ZNF618: variants seen among roughly 807,000 people sequenced by gnomAD.
The protein encoded by ZNF618 is neural precursor cell expressed, developmentally down-regulated 10.
In ZNF618, 34 loss-of-function variants were observed where a neutral mutation model predicts 103.0. The ratio of observed to expected loss-of-function variants is 0.33; its 90% CI spans 0.25 to 0.44. The LOEUF (loss-of-function observed/expected upper bound fraction) is 0.44, where lower values mean the gene tolerates loss of function less well. ZNF618 is among the 20% of genes least tolerant of loss of function. The pLI, the probability that ZNF618 is intolerant of heterozygous loss-of-function variation, is 1.00. For synonymous variants in ZNF618, 551 were observed against 542.2 expected (o/e 1.02, Z -0.23); for missense variants, 1,059 against 1,295.4 (o/e 0.82, Z 2.80).
chr9:113,933,120 G>A (rs1833744621), intron 1 of ZNF618, among the ~76,000 whole-genome samples: 1 of 152,168 alleles, frequency 6.6e-6, no homozygotes, highest in Non-Finnish European at 1.5e-5. Flanking sequence ...ACTGGGTTTG[G>A]CAGCACTGGG....
chr9:113,908,340 C>T (rs1322116093), intron 1 of ZNF618, among the ~76,000 whole-genome samples: 2 of 152,078 alleles, frequency 1.3e-5, no homozygotes, highest in Non-Finnish European at 2.9e-5. Flanking sequence ...TAGATAAAAG[C>T]AGTTTAAAAA....
At chr9:113,992,453 T>C (rs940982483) in intron 3 of ZNF618, among the ~76,000 whole-genome samples, 5 of 152,034 alleles carry the variant, frequency 3.3e-5, no homozygotes, top group African/African-American at 1.2e-4. Flanking sequence ...GGGGTGCTGG[T>C]TAGAGCTTGC....
intron 1 of ZNF618, among the ~76,000 whole-genome samples, chr9:113,957,650 G>C (rs1836435597): frequency 6.6e-6 from 1 of 152,188 alleles, no homozygotes; most frequent in African/African-American, 2.4e-5. Flanking sequence ...TTCACTAGAA[G>C]AGATTTGAGG....
At chr9:113,946,199 G>T (rs1261374506) in intron 1 of ZNF618, among the ~76,000 whole-genome samples, 1 of 152,190 alleles carries the variant, frequency 6.6e-6, no homozygotes, top group African/African-American at 2.4e-5. Flanking sequence ...CAAGGCCACA[G>T]GCTTAGCCCC....
chr9:113,954,412 A>G (rs1836055812), intron 1 of ZNF618, among the ~76,000 whole-genome samples: 1 of 152,180 alleles, frequency 6.6e-6, no homozygotes, highest in Non-Finnish European at 1.5e-5. Context: ...CTAGAAGGAT[A>G]CCCAAGCAAC....
chr9:113,973,028 G>T (rs1016206263), intron 2 of ZNF618, among the ~76,000 whole-genome samples: 2 of 152,138 alleles, frequency 1.3e-5, no homozygotes, highest in African/African-American at 4.8e-5. Context: ...AGTGAGCCAA[G>T]ATCATGCCAC....
At chr9:113,897,781 G>A (rs1217115633) in intron 1 of ZNF618, among the ~76,000 whole-genome samples, 5 of 151,854 alleles carry the variant, frequency 3.3e-5, no homozygotes, top group African/African-American at 1.2e-4. Flanking sequence ...ACTGGATTTC[G>A]TTTTTTGTTT....
At chr9:113,979,137 A>G (rs910424093) in intron 2 of ZNF618, among the ~76,000 whole-genome samples, 1 of 152,144 alleles carries the variant, frequency 6.6e-6, no homozygotes. Context: ...ACCATATGGA[A>G]TTAATTAGAG....
At chr9:113,935,729 A>G (rs1833971384) in intron 1 of ZNF618, among the ~76,000 whole-genome samples, 3 of 152,094 alleles carry the variant, frequency 2.0e-5, no homozygotes, top group Non-Finnish European at 4.4e-5. Flanking sequence ...TCTGGACTGC[A>G]AACTCTTTGA....
At position 113,876,429 on chromosome 9, in the gene ZNF618, G is replaced by A. The variant is rs1031738266; in HGVS notation, c.33+16G>A. On this transcript the variant is annotated intron_variant, in intron 1 of 14. Coordinates refer to ENST00000374126, the MANE Select transcript of ZNF618 (RefSeq NM_001318042.2). ...GGCTCCGCAGGTACGACGGGGGGCC[G>A]GGGGCATGCACCGCGCGGGGGACCC... 1.8e-5 allele frequency: 22 copies of A among 1,197,816 alleles called. No homozygotes were observed. The African/African-American group carries it at 1.9e-4, about 10-fold the overall frequency. The allele number at this position is 1,197,816 out of a possible 1,614,324, so 74.2% of individuals were successfully genotyped here. A position where few individuals can be genotyped will look rare whatever the true frequency, so the allele number is the denominator to read the frequency against.
At position 113,988,340 on chromosome 9, in the gene ZNF618, C is replaced by G; in HGVS notation, c.97C>G (p.Gln33Glu). ...TASRERLKRSQKSTKVEGPEP... is the reference protein window; with the variant it reads ...TASRERLKRSEKSTKVEGPEP... ...TCCCAGGGAGCGCTTGAAGCGCAGC[C>G]AGAAGAGCACCAAGGTGGAGGGCCC... The change falls in exon 3 of 15, where the codon CAG (glutamine) becomes GAG (glutamate). Residue 33 changes from glutamine (Q) to glutamate (E), a missense_variant. By Grantham distance (29) the Gln-to-Glu change is conservative. Around this residue, in one of 6 missense-constraint regions of ZNF618, gnomAD observed 194 missense variants for 209.0 expected, o/e 0.93. Transcript: ENST00000374126. The G allele has an allele frequency of 1.9e-6, 3 of 1,612,768 alleles. No individual in the cohort carries two copies. The highest frequency in any genetic ancestry group is 2.5e-6 in the Non-Finnish European group (3 of 1,179,696).
chr9:113,969,804 C>G (rs182908494), intron 2 of ZNF618, among the ~76,000 whole-genome samples: 14 of 152,210 alleles, frequency 9.2e-5, no homozygotes, highest in African/African-American at 3.1e-4. Context: ...GCTGCTGTTA[C>G]GTTGGGTAGA....
chr9:114,048,974 G>T lies in ZNF618; in HGVS notation c.1672G>T (p.Val558Phe). Reference protein sequence around the residue: ...GIGVTCHSQSVGPDSCYILTA... With the variant: ...GIGVTCHSQSFGPDSCYILTA... ...CGGTGTCACCTGCCACTCCCAGAGT[G>T]TTGGCCCTGACTCCTGCTACATCCT... Residue 558 changes from valine to phenylalanine, a missense_variant, in exon 15 of 15, where the codon GTT (valine) becomes TTT (phenylalanine). Coordinates refer to ENST00000374126, the MANE Select transcript of ZNF618 (RefSeq NM_001318042.2). 1 of 1,613,004 alleles carries T rather than the reference G, an allele frequency of 6.2e-7. No homozygotes were observed. Among genetic ancestry groups the T allele is most frequent in the Non-Finnish European group, 8.5e-7 (1 of 1,179,464 alleles).
chr9:113,938,564 C>CTTTTCTTTTTTTTTTTTTTTTTTTT (rs1564192158), intron 1 of ZNF618, among the ~76,000 whole-genome samples: 1 of 77,690 alleles, frequency 1.3e-5, no homozygotes, highest in African/African-American at 4.1e-5. Flanking sequence ...ATTATATTTT[C>CTTTTCTTTTTTTTTTTTTTTTTTTT]TTTTTTTCTT....
chr9:113,895,736 A>G (rs1829981734), intron 1 of ZNF618, among the ~76,000 whole-genome samples: 1 of 152,142 alleles, frequency 6.6e-6, no homozygotes, highest in South Asian at 2.1e-4. Context: ...TTAAGTGTGC[A>G]TGCCAGATGT....
chr9:113,896,141 A>G (rs572937477), intron 1 of ZNF618, among the ~76,000 whole-genome samples: 11 of 152,056 alleles, frequency 7.2e-5, no homozygotes, highest in Non-Finnish European at 1.3e-4. Context: ...TTTCCCCCTT[A>G]AATTTTTAAA....
Position 114,006,926 on chromosome 9 carries a change from C to T in ZNF618, c.551-424C>T, listed in dbSNP as rs11789306. ...GTCTCTCATGGGGCAGCTCACAACC[C>T]AGCAGCCAGCAGGTGTGACCTGGAC... On this transcript the variant is annotated intron_variant, in intron 6 of 14. Transcript: ENST00000374126. 7.5e-3 allele frequency among the ~76,000 whole-genome samples: 1,147 copies of T among 152,308 alleles called. 9 individuals are homozygous for T. The highest frequency in any genetic ancestry group is 0.02 in the Middle Eastern group (6 of 294).
chr9:114,017,286 C>T (rs1842727881), intron 10 of ZNF618, among the ~76,000 whole-genome samples: 1 of 152,066 alleles, frequency 6.6e-6, no homozygotes, highest in Non-Finnish European at 1.5e-5. Context: ...GGAGTCAAGC[C>T]CTGGCTGTTA....
At chr9:113,896,256 G>T (rs1162346135) in intron 1 of ZNF618, among the ~76,000 whole-genome samples, 2 of 151,890 alleles carry the variant, frequency 1.3e-5, no homozygotes, top group African/African-American at 4.8e-5. Context: ...GTGAAAGCTT[G>T]GCTCTTTATT....
Sources: allele counts gnomAD v4.1 joint callset (sites outside exome capture counted in the v4.1 genomes callset), GRCh38; gene constraint gnomAD v4.1.1; regional missense constraint gnomAD v4.1.1; transcripts MANE v1.5; gene names NCBI Gene and HGNC (gene_info 2026-07-23, HGNC 2026-07-21).